Variants in MEIS1 observed in about 807,000 individuals in gnomAD.
The protein encoded by MEIS1 is homeobox protein Meis1.
Under a neutral mutation model 50.8 loss-of-function variants are expected in MEIS1, and 5 were observed. The observed-to-expected ratio is 0.10, with a 90% CI of 0.05 to 0.21. MEIS1 has a LOEUF of 0.21. MEIS1 is among the 10% of genes least tolerant of loss of function. The pLI is 1.00. For synonymous variants in MEIS1, 176 were observed against 179.3 expected (o/e 0.98, Z 0.15); for missense variants, 318 against 517.3 (o/e 0.61, Z 3.74).
intron 7 of MEIS1, among the ~76,000 whole-genome samples, chr2:66,470,473 C>G (rs987843779): frequency 1.3e-5 from 2 of 152,218 alleles, no homozygotes; most frequent in African/African-American, 4.8e-5. Flanking sequence ...GTAATATACT[C>G]ACCTTTCCTT....
At chr2:66,499,060 G>A (rs1673484084) in intron 7 of MEIS1, among the ~76,000 whole-genome samples, 1 of 152,168 alleles carries the variant, frequency 6.6e-6, no homozygotes, top group South Asian at 2.1e-4. Context: ...GAAGGTGTGA[G>A]TGGCACTACA....
intron 8 of MEIS1, among the ~76,000 whole-genome samples, chr2:66,525,727 G>A (rs565092263): frequency 5.9e-5 from 9 of 152,364 alleles, no homozygotes; most frequent in African/African-American, 1.9e-4. Context: ...GTGTGTTCGG[G>A]TGGGTGGAGG....
chr2:66,544,106 G>A (rs953440091), intron 8 of MEIS1, among the ~76,000 whole-genome samples: 2 of 152,146 alleles, frequency 1.3e-5, no homozygotes, highest in Admixed American at 1.3e-4. Context: ...CCTAAAAACA[G>A]CACTTCTCGG....
chr2:66,553,398 T>G (rs181072589), intron 9 of MEIS1, among the ~76,000 whole-genome samples: 1 of 152,370 alleles, frequency 6.6e-6, no homozygotes, highest in Non-Finnish European at 1.5e-5. Flanking sequence ...ACCTTGAGTG[T>G]CAATTCTAAT....
At chr2:66,544,427 C>T (rs958245817) in intron 8 of MEIS1, among the ~76,000 whole-genome samples, 1 of 152,076 alleles carries the variant, frequency 6.6e-6, no homozygotes. Flanking sequence ...GAAGTCACGG[C>T]TTTCATGTGA....
chr2:66,512,355 A>C (rs1177405221), intron 8 of MEIS1, 61 bp downstream of exon 8: 8 of 1,501,562 alleles, frequency 5.3e-6, no homozygotes, highest in Non-Finnish European at 7.1e-6. Flanking sequence ...GTTTTTATAC[A>C]AAAAAATGAG....
rs542203567 is a variant in MEIS1, at chr2:66,501,034, T to C, written c.743-11115T>C. On this transcript the variant is annotated intron_variant, in intron 7 of 12. Transcript: ENST00000272369. ...GTCTGTGAGATCCTATATGGGGTAC[T>C]TTTTTTCCTAAAATGATCTATTTTT... is the stretch of plus-strand genomic sequence containing the variant. Among the ~76,000 whole-genome samples, 14 of 152,272 alleles carry C rather than the reference T, an allele frequency of 9.2e-5. No homozygotes were observed. The East Asian group carries it at 2.7e-3, about 29-fold the overall frequency.
intron 6 of MEIS1, among the ~76,000 whole-genome samples, chr2:66,457,332 T>C (rs1467518498): frequency 2.6e-5 from 4 of 152,050 alleles, no homozygotes; most frequent in Non-Finnish European, 5.9e-5. Flanking sequence ...GATTATATGC[T>C]ATGTTTTGGT....
rs539546179 is a variant in MEIS1, at chr2:66,496,353, T to C, written c.743-15796T>C. Among the ~76,000 whole-genome samples the C allele has an allele frequency of 5.3e-5, 8 of 152,222 alleles. No individual in the cohort carries two copies. The East Asian group carries it at 1.6e-3, about 30-fold the overall frequency. On this transcript the variant is annotated intron_variant, in intron 7 of 12. Transcript: ENST00000272369. ...TCCTGCAGGGGAGACTTGCTTTTCT[T>C]TGATACATAAATGGTGAGTGAAAAG...
rs1290610580 is a variant in MEIS1 at position 66,512,149 on chromosome 2, G to A, written c.743G>A (p.Gly248Asp). 1 of 1,569,712 alleles carries A rather than the reference G, an allele frequency of 6.4e-7. No individual in the cohort carries two copies. The highest frequency in any genetic ancestry group is 8.7e-7 in the Non-Finnish European group (1 of 1,154,168). Residue 248 changes from glycine (G) to aspartate (D), a missense_variant and splice_region_variant, in exon 8 of 13, where the codon GGT (glycine) becomes GAT (aspartate). Physicochemically the swap from Gly to Asp is moderately conservative, Grantham distance 94. Coordinates refer to ENST00000272369, the MANE Select transcript of MEIS1 (RefSeq NM_002398.3). ...SHSGDNSSEQ[G>D]DGLDNSVASP... is the part of the protein sequence containing the mutation. ...AAAATTTGATTCGCTATGTTTGCAG[G>A]TGATGGCTTGGACAACAGTGTAGCT...
intron 6 of MEIS1, among the ~76,000 whole-genome samples, chr2:66,456,368 G>A (rs1360244787): frequency 6.6e-6 from 1 of 152,048 alleles, no homozygotes; most frequent in African/African-American, 2.4e-5. Flanking sequence ...AAAAATACTG[G>A]CTGGCACCAA....
At chr2:66,436,837 A>G (rs1671808373) in intron 1 of MEIS1, 1 of 969,878 alleles carries the variant, frequency 1.0e-6, no homozygotes, top group Admixed American at 6.2e-5. Context: ...GCTAAATTTC[A>G]CACACACAAA....
intron 7 of MEIS1, among the ~76,000 whole-genome samples, chr2:66,469,735 G>C (rs1462738052): frequency 6.6e-6 from 1 of 152,018 alleles, no homozygotes; most frequent in African/African-American, 2.4e-5. Flanking sequence ...TCCAATTATG[G>C]CTCGGCTTAA....
intron 8 of MEIS1, among the ~76,000 whole-genome samples, chr2:66,519,808 A>G (rs1216289435): frequency 6.6e-6 from 1 of 152,176 alleles, no homozygotes; most frequent in Non-Finnish European, 1.5e-5. Flanking sequence ...TTTTAGAAAT[A>G]TTCTGAAATA....
chr2:66,448,446 G>T (rs1242689857), intron 6 of MEIS1, among the ~76,000 whole-genome samples: 3 of 152,126 alleles, frequency 2.0e-5, no homozygotes, highest in Non-Finnish European at 4.4e-5. Flanking sequence ...GTATTACCAT[G>T]AGGCCTACTG....
At chr2:66,568,395 TCCAACAC>T in intron 10 of MEIS1, 1 of 342,228 alleles carries the variant, frequency 2.9e-6, no homozygotes, top group South Asian at 3.2e-5. Context: ...CTTTTTTTCT[TCCAACAC>T]CCATTATGTG....
intron 6 of MEIS1, among the ~76,000 whole-genome samples, chr2:66,459,713 C>T (rs112175567): frequency 0.018 from 2,793 of 152,002 alleles, 54 homozygotes; most frequent in South Asian, 0.053. Flanking sequence ...AGAGAGAGAG[C>T]GTATGAATGG....
At chr2:66,480,971 C>T (rs1054703928) in intron 7 of MEIS1, among the ~76,000 whole-genome samples, 1 of 151,576 alleles carries the variant, frequency 6.6e-6, no homozygotes, top group Non-Finnish European at 1.5e-5. Flanking sequence ...TTCCCTGCAA[C>T]AGAAAGACTG....
chr2:66,465,902 G>A (rs1456051570), intron 7 of MEIS1, among the ~76,000 whole-genome samples: 1 of 152,130 alleles, frequency 6.6e-6, no homozygotes, highest in Non-Finnish European at 1.5e-5. Context: ...CCTTCAACAA[G>A]TGTTCTCCAA....
Sources: gnomAD v4.1 joint callset for allele counts (sites outside exome capture counted in the v4.1 genomes callset) on GRCh38, gnomAD v4.1.1 for gene constraint, MANE v1.5 for transcripts, NCBI Gene and HGNC (gene_info 2026-07-23, HGNC 2026-07-21) for gene names.